ILDR2: variants seen among roughly 807,000 people sequenced by gnomAD.
The protein encoded by ILDR2 is immunoglobulin-like domain-containing receptor 2.
ILDR2 carries 25 observed loss-of-function variants against 66.8 expected under a neutral mutation model. That is an observed-to-expected ratio of 0.37 (90% CI 0.27 to 0.52). The LOEUF (loss-of-function observed/expected upper bound fraction) is 0.52. ILDR2 is among the 20% of genes least tolerant of loss of function. ILDR2 has a pLI of 0.88. For synonymous variants in ILDR2, 367 were observed against 357.2 expected (o/e 1.03, Z -0.31); for missense variants, 827 against 876.8 (o/e 0.94, Z 0.72).
intron 3 of ILDR2, among the ~76,000 whole-genome samples, chr1:166,952,181 A>G (rs1662020695): frequency 6.6e-6 from 1 of 152,182 alleles, no homozygotes; most frequent in Non-Finnish European, 1.5e-5. Flanking sequence ...GAGATGCCCC[A>G]GGGAACTTTA....
intron 2 of ILDR2, among the ~76,000 whole-genome samples, chr1:166,897,943 G>A (rs994240564): frequency 4.6e-5 from 7 of 152,204 alleles, no homozygotes; most frequent in African/African-American, 1.7e-4. Context: ...AGTGCAGGTG[G>A]CCTGGGAACC....
At chr1:166,938,135 G>A (rs1228952225) in intron 4 of ILDR2, among the ~76,000 whole-genome samples, 1 of 152,216 alleles carries the variant, frequency 6.6e-6, no homozygotes, top group African/African-American at 2.4e-5. Flanking sequence ...GTGGCCTAGA[G>A]AGCATTCATG....
intron 3 of ILDR2, among the ~76,000 whole-genome samples, chr1:166,951,420 G>C (rs1412128261): frequency 1.3e-5 from 2 of 152,090 alleles, no homozygotes; most frequent in African/African-American, 4.8e-5. Context: ...TTGAAGCTAG[G>C]AATACCCCCG....
At chr1:166,948,401 C>T (rs1161494166) in intron 3 of ILDR2, among the ~76,000 whole-genome samples, 3 of 152,194 alleles carry the variant, frequency 2.0e-5, no homozygotes, top group African/African-American at 7.2e-5. Flanking sequence ...TCTTCCCAAG[C>T]TCACCCAGAT....
intron 3 of ILDR2, chr1:166,943,637 C>T (rs958313068): frequency 2.9e-5 from 5 of 169,902 alleles, no homozygotes; most frequent in African/African-American, 1.2e-4. Context: ...CCAGCTTCTT[C>T]CCTAACAATT....
At chr1:166,949,730 A>G (rs1161934534) in intron 3 of ILDR2, among the ~76,000 whole-genome samples, 1 of 152,226 alleles carries the variant, frequency 6.6e-6, no homozygotes, top group Non-Finnish European at 1.5e-5. Flanking sequence ...ATTCTAGCTG[A>G]CACTTGGCTA....
downstream of ILDR2, among the ~76,000 whole-genome samples, chr1:166,906,651 A>G (rs571790740): frequency 8.5e-5 from 13 of 152,346 alleles, no homozygotes; most frequent in African/African-American, 1.9e-4. Flanking sequence ...AATATGTGAA[A>G]AAGACTATGG....
At chr1:166,958,542 C>T (rs1378922586) in intron 1 of ILDR2, among the ~76,000 whole-genome samples, 1 of 152,162 alleles carries the variant, frequency 6.6e-6, no homozygotes, top group African/African-American at 2.4e-5. Flanking sequence ...CTCAGTCATG[C>T]CTCCTGTTAA....
At position 166,909,889 on chromosome 1, in the gene ILDR2, C is replaced by G. The variant is rs1304586016; in HGVS notation, c.*9466G>C. 6.7e-6 allele frequency: 1 copy of G among 149,566 alleles called. No individual in the cohort carries two copies. The highest frequency in any genetic ancestry group is 6.7e-5 in the Admixed American group (1 of 14,978). The allele number at this position is 149,566 out of a possible 1,614,324, so 9.3% of individuals were successfully genotyped here. On this transcript the variant is annotated 3_prime_UTR_variant, in exon 10 of 10. Transcript: ENST00000271417. ...AAAATCCACTGTGGCTATGCTTCTA[C>G]ACAAAATTTGTAACAAAATGTGAGA... is the stretch of plus-strand genomic sequence containing the variant.
In ILDR2 at chr1:166,954,494, C is replaced by T. The variant is rs746731689; in HGVS notation, c.499+2239G>A. ...CAGCTAGTGTTGCCCTAAAAAGTTTCCATGACAAATTTATCATGTTTTGAA... is the reference window on the plus strand; with the variant it reads ...CAGCTAGTGTTGCCCTAAAAAGTTTTCATGACAAATTTATCATGTTTTGAA... On this transcript the variant is annotated intron_variant, in intron 3 of 9. Coordinates refer to ENST00000271417, the MANE Select transcript of ILDR2 (RefSeq NM_199351.3). Among the ~76,000 whole-genome samples the T allele has an allele frequency of 2.6e-5, 4 of 152,172 alleles. No individual in the cohort carries two copies. The East Asian group carries it at 7.7e-4, about 29-fold the overall frequency.
At chr1:166,920,200 GT>G (rs1361973593) in intron 9 of ILDR2, among the ~76,000 whole-genome samples, 5 of 152,342 alleles carry the variant, frequency 3.3e-5, no homozygotes, top group Non-Finnish European at 7.3e-5. Context: ...GACATGAGTT[GT>G]CCTTTGCAAA....
chr1:166,907,551 T>C (rs1659369887), downstream of ILDR2, among the ~76,000 whole-genome samples: 4 of 152,236 alleles, frequency 2.6e-5, no homozygotes. Context: ...CACAATCTGT[T>C]GCTCTAAATT....
At chr1:166,922,542 T>G in intron 8 of ILDR2, 51 bp downstream of exon 8, 1 of 1,501,816 alleles carries the variant, frequency 6.7e-7, no homozygotes, top group South Asian at 1.1e-5. Context: ...TACCCTGCCT[T>G]CCAGCTCCTG....
At chr1:166,933,495 C>A in intron 6 of ILDR2, 1 of 948,608 alleles carries the variant, frequency 1.1e-6, no homozygotes, top group Non-Finnish European at 1.3e-6. Context: ...AACTACCTTA[C>A]CTTGACATTT....
At chr1:166,975,072 A>G in intron 1 of ILDR2, 151 bp downstream of exon 1, 1 of 614,962 alleles carries the variant, frequency 1.6e-6, no homozygotes, top group Non-Finnish European at 3.0e-6. Flanking sequence ...ACAAACACAC[A>G]CGTTGCCCCC....
chr1:166,902,073 CG>C (rs1385946193), intron 2 of ILDR2, among the ~76,000 whole-genome samples: 1 of 152,138 alleles, frequency 6.6e-6, no homozygotes, highest in Non-Finnish European at 1.5e-5. Flanking sequence ...TTGGTCAGGC[CG>C]GTCTCAAACT....
chr1:166,914,244 A>T lies in ILDR2; in HGVS notation c.*5111T>A, dbSNP rs1444458732. On this transcript the variant is annotated 3_prime_UTR_variant, in exon 10 of 10. Transcript: ENST00000271417. The stretch of plus-strand genomic sequence containing the variant: ...TGAAGCAGCAACAGTATCTGTCTTC[A>T]TGGCTTCGCCACATCCATGACATAT... 6.6e-6 allele frequency: 1 copy of T among 152,224 alleles called. No individual in the cohort carries two copies. Among genetic ancestry groups the T allele is most frequent in the Non-Finnish European group, 1.5e-5 (1 of 68,042 alleles). The allele number at this position is 152,224 out of a possible 1,614,324, so 9.4% of individuals were successfully genotyped here.
intron 2 of ILDR2, among the ~76,000 whole-genome samples, chr1:166,896,724 C>T (rs1659173614): frequency 6.6e-6 from 1 of 151,524 alleles, no homozygotes; most frequent in South Asian, 2.1e-4. Flanking sequence ...CAACCTCCGC[C>T]TCCCAGGTTC....
downstream of ILDR2, among the ~76,000 whole-genome samples, chr1:166,906,628 T>C (rs1659354886): frequency 6.6e-6 from 1 of 152,236 alleles, no homozygotes; most frequent in East Asian, 1.9e-4. Flanking sequence ...TTGTGTGTTC[T>C]AAGGCACTTG....
Sources: gnomAD v4.1 joint callset for allele counts (sites outside exome capture counted in the v4.1 genomes callset) on GRCh38, gnomAD v4.1.1 for gene constraint, MANE v1.5 for transcripts, NCBI Gene and HGNC (gene_info 2026-07-23, HGNC 2026-07-21) for gene names.